GPC6: variants seen among roughly 807,000 people sequenced by gnomAD.
GPC6 encodes glypican 6.
A neutral mutation model predicts 55.2 loss-of-function variants in GPC6; 14 were observed. That is an observed-to-expected ratio of 0.25 (90% confidence interval 0.17 to 0.40). GPC6 has a LOEUF of 0.40. GPC6 is among the 10% of genes least tolerant of loss of function. GPC6 has a pLI of 1.00. For missense variants in GPC6, 641 were observed against 708.5 expected (o/e 0.90, Z 1.08); for synonymous variants, 278 against 259.6 (o/e 1.07, Z -0.68).
In GPC6 at chr13:94,077,751, C is replaced by G. The variant is rs1213496964; in HGVS notation, c.877+49857C>G. The stretch of plus-strand genomic sequence containing the variant: ...ATAATATGCTTTCTATCCTTCATTC[C>G]CTTAATGTAGTATTTCATATTTATT... On this transcript the variant is annotated intron_variant, in intron 4 of 8. Transcript: ENST00000377047. Among the ~76,000 whole-genome samples, 3 of 147,114 alleles carry G rather than the reference C, an allele frequency of 2.0e-5. No homozygotes were observed. The East Asian group carries it at 5.8e-4, about 28-fold the overall frequency.
At chr13:93,686,308 A>G (rs968643355) in intron 2 of GPC6, among the ~76,000 whole-genome samples, 1 of 152,206 alleles carries the variant, frequency 6.6e-6, no homozygotes, top group Non-Finnish European at 1.5e-5. Flanking sequence ...ACTAGTTTCA[A>G]TATTTCAATG....
chr13:94,358,815 C>T (rs964598530), intron 6 of GPC6, among the ~76,000 whole-genome samples: 3 of 152,200 alleles, frequency 2.0e-5, no homozygotes, highest in African/African-American at 4.8e-5. Context: ...TTCTAGGATA[C>T]TCAGCATGTT....
At chr13:93,604,815 C>T (rs1000577304) in intron 2 of GPC6, among the ~76,000 whole-genome samples, 4 of 148,770 alleles carry the variant, frequency 2.7e-5, no homozygotes, top group African/African-American at 1.0e-4. Flanking sequence ...GTATCCACCT[C>T]GTAACTGGTA....
At chr13:93,745,930 C>T (rs1013742986) in intron 2 of GPC6, among the ~76,000 whole-genome samples, 23 of 152,158 alleles carry the variant, frequency 1.5e-4, no homozygotes, top group Non-Finnish European at 3.4e-4. Flanking sequence ...TGATTTTGAC[C>T]ATCATGAAGG....
intron 1 of GPC6, among the ~76,000 whole-genome samples, chr13:93,358,191 G>A (rs12872918): frequency 0.069 from 10,467 of 152,086 alleles, 442 homozygotes; most frequent in East Asian, 0.12. Context: ...TACAAAAAAT[G>A]AAAAATTACC....
chr13:93,262,521 G>A (rs1379312822), intron 1 of GPC6, among the ~76,000 whole-genome samples: 1 of 152,098 alleles, frequency 6.6e-6, no homozygotes, highest in African/African-American at 2.4e-5. Flanking sequence ...TGATAAAAAC[G>A]GATAGGCCTC....
chr13:94,135,566 G>A (rs1339018686), intron 4 of GPC6, among the ~76,000 whole-genome samples: 1 of 152,200 alleles, frequency 6.6e-6, no homozygotes, highest in African/African-American at 2.4e-5. Context: ...AAGTTGAAAA[G>A]TCATGACCCA....
chr13:93,824,744 G>A (rs980554138), intron 2 of GPC6, among the ~76,000 whole-genome samples: 2 of 152,050 alleles, frequency 1.3e-5, no homozygotes, highest in African/African-American at 2.4e-5. Context: ...TCTAAGATGT[G>A]GTTTGTGGGA....
intron 1 of GPC6, among the ~76,000 whole-genome samples, chr13:93,413,874 C>T (rs537406996): frequency 2.0e-5 from 3 of 152,124 alleles, no homozygotes; most frequent in African/African-American, 7.2e-5. Flanking sequence ...GAAAATGCCC[C>T]TTGGCATATT....
intron 2 of GPC6, among the ~76,000 whole-genome samples, chr13:93,668,819 A>G (rs72641687): frequency 0.022 from 3,344 of 152,316 alleles, 71 homozygotes; most frequent in Non-Finnish European, 0.029. Flanking sequence ...AGTTCATGAT[A>G]GTTTGACATG....
intron 4 of GPC6, among the ~76,000 whole-genome samples, chr13:94,205,871 A>G: frequency 1.3e-5 from 2 of 152,228 alleles, no homozygotes; most frequent in East Asian, 3.8e-4. Context: ...GTTATCTGGA[A>G]CACTGGTTTT....
intron 1 of GPC6, among the ~76,000 whole-genome samples, chr13:93,311,723 G>A (rs1011885569): frequency 6.6e-6 from 1 of 152,130 alleles, no homozygotes; most frequent in South Asian, 2.1e-4. Context: ...TGACCCCTAT[G>A]CAGTGCCAGT....
chr13:94,296,992 G>A (rs1248924228), intron 5 of GPC6, among the ~76,000 whole-genome samples: 2 of 151,938 alleles, frequency 1.3e-5, no homozygotes, highest in Non-Finnish European at 2.9e-5. Context: ...CATTAATAAT[G>A]TGTTTATTAT....
At chr13:93,764,052 C>A in intron 2 of GPC6, among the ~76,000 whole-genome samples, 1 of 152,132 alleles carries the variant, frequency 6.6e-6, no homozygotes, top group Non-Finnish European at 1.5e-5. Context: ...AGGTACCTCC[C>A]TGCCAATCAC....
At chr13:93,538,043 T>C (rs1357863427) in intron 1 of GPC6, among the ~76,000 whole-genome samples, 1 of 152,106 alleles carries the variant, frequency 6.6e-6, no homozygotes, top group Non-Finnish European at 1.5e-5. Flanking sequence ...GGATGAAAGG[T>C]TGTCTGTATT....
chr13:93,827,655 T>G (rs1471076640), intron 2 of GPC6, among the ~76,000 whole-genome samples: 1 of 152,178 alleles, frequency 6.6e-6, no homozygotes, highest in Non-Finnish European at 1.5e-5. Flanking sequence ...AATAGAAAAC[T>G]TTTGAGACAA....
intron 4 of GPC6, among the ~76,000 whole-genome samples, chr13:94,148,473 A>G (rs993881655): frequency 1.1e-4 from 16 of 152,316 alleles, no homozygotes; most frequent in African/African-American, 3.8e-4. Context: ...TAGAAGTAAA[A>G]TAAGTTGATT....
At chr13:93,753,692 T>A (rs1884675007) in intron 2 of GPC6, among the ~76,000 whole-genome samples, 1 of 152,128 alleles carries the variant, frequency 6.6e-6, no homozygotes, top group South Asian at 2.1e-4. Flanking sequence ...TTCCTATGTT[T>A]TTTGTGCCCA....
chr13:93,428,671 C>A (rs552243232), intron 1 of GPC6, among the ~76,000 whole-genome samples: 1 of 152,206 alleles, frequency 6.6e-6, no homozygotes, highest in African/African-American at 2.4e-5. Flanking sequence ...CTCTGAGATT[C>A]ATAGGGATAT....
Sources: gnomAD v4.1 joint callset for allele counts (sites outside exome capture counted in the v4.1 genomes callset) on GRCh38, gnomAD v4.1.1 for gene constraint, MANE v1.5 for transcripts, NCBI Gene and HGNC (gene_info 2026-07-23, HGNC 2026-07-21) for gene names.